Variants in CNTN4 observed in about 807,000 individuals in gnomAD.
The protein encoded by CNTN4 is contactin-4.
A neutral mutation model predicts 122.5 loss-of-function variants in CNTN4; 77 were observed. That is an observed-to-expected ratio of 0.63 (90% CI 0.52 to 0.76). CNTN4 has a LOEUF of 0.76. Ranked by LOEUF, CNTN4 falls within the 30% of genes least tolerant of loss-of-function variation. The probability of loss-of-function intolerance (pLI) is 0.00; values close to 1 mark genes in which losing one functional copy is unlikely to be tolerated. For synonymous variants in CNTN4, 512 were observed against 447.0 expected, an observed-to-expected ratio of 1.15 and a Z score of -1.83; for missense variants, 1,256 against 1,259.1, an observed-to-expected ratio of 1.00 and a Z score of 0.04.
intron 2 of CNTN4, among the ~76,000 whole-genome samples, chr3:2,229,395 A>G (rs960108854): frequency 6.6e-6 from 1 of 152,176 alleles, no homozygotes; most frequent in African/African-American, 2.4e-5. Flanking sequence ...GTGTTAAAAG[A>G]TTGATTAAAT....
chr3:2,462,508 A>G (rs931345354), intron 3 of CNTN4, among the ~76,000 whole-genome samples: 3 of 152,206 alleles, frequency 2.0e-5, no homozygotes, highest in South Asian at 2.1e-4. Context: ...ATTCAAAAAC[A>G]TGATATTTTG....
At chr3:2,693,360 A>G (rs1323266884) in intron 4 of CNTN4, among the ~76,000 whole-genome samples, 1 of 152,200 alleles carries the variant, frequency 6.6e-6, no homozygotes, top group Non-Finnish European at 1.5e-5. Context: ...AGTTGCTTTA[A>G]ATCAAATATC....
At chr3:2,210,326 A>G (rs1463011655) in intron 2 of CNTN4, among the ~76,000 whole-genome samples, 3 of 152,200 alleles carry the variant, frequency 2.0e-5, no homozygotes, top group African/African-American at 7.2e-5. Flanking sequence ...TTATTATTGT[A>G]GGAGAATAGA....
intron 2 of CNTN4, among the ~76,000 whole-genome samples, chr3:2,210,677 A>C (rs1472071589): frequency 6.6e-6 from 1 of 152,176 alleles, no homozygotes; most frequent in Non-Finnish European, 1.5e-5. Context: ...AGCAAGAGTG[A>C]GAGTCTCAAC....
intron 3 of CNTN4, among the ~76,000 whole-genome samples, chr3:2,492,602 T>G (rs1440791942): frequency 6.6e-6 from 1 of 152,214 alleles, no homozygotes; most frequent in East Asian, 1.9e-4. Context: ...TTATCTGTAA[T>G]AGATATTTTT....
intron 3 of CNTN4, among the ~76,000 whole-genome samples, chr3:2,429,467 C>T (rs1053319172): frequency 1.3e-5 from 2 of 152,152 alleles, no homozygotes; most frequent in Non-Finnish European, 1.5e-5. Context: ...GGGCACCCGG[C>T]CATATGAGGT....
intron 2 of CNTN4, among the ~76,000 whole-genome samples, chr3:2,169,802 C>G (rs186457424): frequency 6.6e-6 from 1 of 152,266 alleles, no homozygotes; most frequent in Admixed American, 6.5e-5. Flanking sequence ...AACAAATACT[C>G]TTTATCAATG....
intron 4 of CNTN4, among the ~76,000 whole-genome samples, chr3:2,587,008 T>C (rs1482281628): frequency 2.0e-5 from 3 of 152,208 alleles, no homozygotes; most frequent in African/African-American, 7.2e-5. Flanking sequence ...GCTAATGAAA[T>C]TTTCTTCAAA....
chr3:2,241,418 A>G (rs2039934759), intron 2 of CNTN4, among the ~76,000 whole-genome samples: 1 of 152,036 alleles, frequency 6.6e-6, no homozygotes, highest in Admixed American at 6.6e-5. Flanking sequence ...TCCTCCTGCT[A>G]CTTATTATCA....
intron 3 of CNTN4, among the ~76,000 whole-genome samples, chr3:2,513,686 T>C (rs2076956940): frequency 6.6e-6 from 1 of 152,168 alleles, no homozygotes; most frequent in African/African-American, 2.4e-5. Context: ...CAGAGAGGTA[T>C]TTGCAAGATT....
chr3:2,377,433 C>T (rs756048801), intron 3 of CNTN4, among the ~76,000 whole-genome samples: 3 of 152,208 alleles, frequency 2.0e-5, no homozygotes, highest in Non-Finnish European at 2.9e-5. Context: ...GTTGTTAAGT[C>T]ACCAAGAGAT....
intron 2 of CNTN4, among the ~76,000 whole-genome samples, chr3:2,214,646 G>T (rs2038762044): frequency 6.6e-6 from 1 of 151,930 alleles, no homozygotes; most frequent in Admixed American, 6.6e-5. Flanking sequence ...AAAATCACAA[G>T]GTCAGAAAGA....
intron 14 of CNTN4, among the ~76,000 whole-genome samples, chr3:3,009,310 C>T (rs1696952518): frequency 6.6e-6 from 1 of 152,152 alleles, no homozygotes. Flanking sequence ...CAGGAACTCT[C>T]TTCTAGTATC....
chr3:3,039,072 G>C, intron 19 of CNTN4, 69 bp downstream of exon 19: 1 of 1,364,402 alleles, frequency 7.3e-7, no homozygotes, highest in Middle Eastern at 1.8e-4. Context: ...CTCCATGTTA[G>C]ACATAGCTGG....
chr3:2,284,946 T>TATA (rs1233675010), intron 2 of CNTN4, among the ~76,000 whole-genome samples: 1 of 151,982 alleles, frequency 6.6e-6, no homozygotes, highest in African/African-American at 2.4e-5. Flanking sequence ...CTTCATCAGT[T>TATA]GTTATCTTAG....
intron 6 of CNTN4, among the ~76,000 whole-genome samples, chr3:2,748,595 C>G (rs1020670755): frequency 3.9e-5 from 6 of 152,158 alleles, no homozygotes; most frequent in Non-Finnish European, 1.5e-5. Context: ...TTTGGACACT[C>G]TTGTTCAACC....
At chr3:2,490,693 T>C (rs1213244531) in intron 3 of CNTN4, among the ~76,000 whole-genome samples, 1 of 152,198 alleles carries the variant, frequency 6.6e-6, no homozygotes, top group Non-Finnish European at 1.5e-5. Context: ...TTGTCTACTT[T>C]GTATGTATTA....
chr3:2,215,867 G>GA (rs1298530874), intron 2 of CNTN4, among the ~76,000 whole-genome samples: 1 of 123,832 alleles, frequency 8.1e-6, no homozygotes, highest in East Asian at 2.5e-4. Context: ...TGTGTGAACA[G>GA]AGTGAGCCTC....
intron 3 of CNTN4, among the ~76,000 whole-genome samples, chr3:2,545,138 C>G (rs974481342): frequency 3.3e-5 from 5 of 152,122 alleles, no homozygotes; most frequent in African/African-American, 1.2e-4. Flanking sequence ...ACCCAAAAGT[C>G]TTTTAAGAGC....
Sources: allele counts gnomAD v4.1 joint callset (sites outside exome capture counted in the v4.1 genomes callset), GRCh38; gene constraint gnomAD v4.1.1; transcripts MANE v1.5; gene names NCBI Gene and HGNC (gene_info 2026-07-23, HGNC 2026-07-21).